Variants in NPTXR observed in about 807,000 individuals in gnomAD.
NPTXR encodes the protein neuronal pentraxin receptor.
In NPTXR, 12 loss-of-function variants were observed where a neutral mutation model predicts 32.2. The ratio of observed to expected loss-of-function variants is 0.37; its 90% CI spans 0.24 to 0.60. NPTXR has a LOEUF of 0.60. Ranked by LOEUF, NPTXR falls within the 20% of genes least tolerant of loss-of-function variation. The pLI, the probability that NPTXR is intolerant of heterozygous loss-of-function variation, is 0.66. For synonymous variants in NPTXR, 323 were observed against 315.8 expected, an observed-to-expected ratio of 1.02 and a Z score of -0.24; for missense variants, 612 against 682.9, an observed-to-expected ratio of 0.90 and a Z score of 1.16.
At chr22:38,824,315 A>G (rs1036920940) in intron 3 of NPTXR, among the ~76,000 whole-genome samples, 3 of 151,970 alleles carry the variant, frequency 2.0e-5, no homozygotes, top group Middle Eastern at 3.2e-3. Context: ...TTAATGTAAC[A>G]TTCTCTGAGG....
chr22:38,841,826 C>G (rs1489043428), intron 1 of NPTXR, among the ~76,000 whole-genome samples: 1 of 152,194 alleles, frequency 6.6e-6, no homozygotes, highest in East Asian at 1.9e-4. Context: ...TCATTGCATA[C>G]TTTCACCTTT....
intron 1 of NPTXR, among the ~76,000 whole-genome samples, chr22:38,833,627 G>A (rs574993589): frequency 9.2e-5 from 14 of 151,954 alleles, no homozygotes; most frequent in African/African-American, 2.9e-4. Flanking sequence ...CATCACAGGC[G>A]TGTCTACTAT....
intron 1 of NPTXR, among the ~76,000 whole-genome samples, chr22:38,837,845 T>TTTTTATTTTATTTTATTTTATTTTA (rs10530407): frequency 0.11 from 15,168 of 139,912 alleles, 1,603 homozygotes; most frequent in East Asian, 0.48. Context: ...TTATTTTTAT[T>TTTTTATTTTATTTTATTTTATTTTA]TTTTATTTTA....
At chr22:38,823,784 G>A (rs1335180646) in intron 3 of NPTXR, among the ~76,000 whole-genome samples, 1 of 152,186 alleles carries the variant, frequency 6.6e-6, no homozygotes, top group Non-Finnish European at 1.5e-5. Context: ...AAGTCTGCAA[G>A]GGATGGCAAA....
Position 38,826,554 on chromosome 22 carries a change from C to T in NPTXR, c.1044G>A (p.Glu348=). 1.9e-6 allele frequency: 3 copies of T among 1,614,166 alleles called. No homozygotes were observed. The highest frequency in any genetic ancestry group is 2.5e-6 in the Non-Finnish European group (3 of 1,180,012). The change falls in exon 3 of 5, where the codon GAG becomes GAA. Residue 348 remains glutamate (E), a synonymous_variant. Transcript: ENST00000333039. ...CATGGCCCGCCTCTAGCAGTACAAT[C>T]TCGTTGGCCTGCCCGGGCACTGAGT...
chr22:38,843,413 T>A lies in NPTXR; in HGVS notation c.446A>T (p.Asp149Val). The change falls in exon 1 of 5, where the codon GAC becomes GTC. Residue 149 changes from aspartate (D) to valine (V), a missense_variant. Transcript: ENST00000333039. The surrounding 1 kb of genome is among the most constrained non-coding windows in gnomAD (Gnocchi z 5.3). ...CTTGCCGGTGAGCTCACGGATGGTG[T>A]CCTGGTCGGCGCGGATGCGCGCCTC... is the stretch of plus-strand genomic sequence containing the variant. 2 of 1,405,242 alleles carry A rather than the reference T, an allele frequency of 1.4e-6. No homozygotes were observed. Among genetic ancestry groups the A allele is most frequent in the Non-Finnish European group, 1.8e-6 (2 of 1,087,538 alleles). 87.0% of individuals were successfully genotyped at this position (1,405,242 alleles called of 1,614,324 possible). A position where few individuals can be genotyped will look rare whatever the true frequency, so the allele number is the denominator to read the frequency against.
intron 3 of NPTXR, among the ~76,000 whole-genome samples, chr22:38,825,748 C>G (rs929398460): frequency 6.6e-6 from 1 of 152,016 alleles, no homozygotes; most frequent in African/African-American, 2.4e-5. Flanking sequence ...GAGGGGCTGG[C>G]TCCAGGGAAG....
chr22:38,822,648 C>T lies in NPTXR; in HGVS notation c.1464G>A (p.Lys488=), dbSNP rs761147630. The T allele has an allele frequency of 8.1e-6, 13 of 1,613,832 alleles. No homozygotes were observed. The highest frequency in any genetic ancestry group is 1.1e-5 in the Non-Finnish European group (13 of 1,179,956). The change falls in exon 5 of 5, where the codon AAG becomes AAA. Residue 488 remains lysine, a synonymous_variant. Transcript: ENST00000333039. ...TCCCCTTGCAGACATCGAAGGCAGC[C>T]TTTGTTGCACCCCCAAAGGCCTCCA...
rs796530133 is a variant in NPTXR, at chr22:38,834,640, G to C, written c.625-6128C>G. 1.4e-4 allele frequency among the ~76,000 whole-genome samples: 16 copies of C among 115,852 alleles called. No individual in the cohort carries two copies. The highest frequency in any genetic ancestry group is 4.7e-4 in the African/African-American group (15 of 32,162). The allele number at this position is 115,852 out of a possible 152,430, so 76.0% of individuals were successfully genotyped here. A position where few individuals can be genotyped will look rare whatever the true frequency, so the allele number is the denominator to read the frequency against. On this transcript the variant is annotated intron_variant, in intron 1 of 4. Coordinates refer to ENST00000333039, the MANE Select transcript of NPTXR (RefSeq NM_014293.4). This position sits in a 1 kb window ranked among gnomAD's most constrained non-coding sequence, Gnocchi z 4.4. ...TCCATCCATCCATCCATCCATCCAT[G>C]TGTGCCGCAGCAACATGGCGTCGTA...
At chr22:38,825,942 T>C (rs2093105838) in intron 3 of NPTXR, among the ~76,000 whole-genome samples, 1 of 151,512 alleles carries the variant, frequency 6.6e-6, no homozygotes, top group Non-Finnish European at 1.5e-5. Flanking sequence ...TCTCGGGTTC[T>C]GGCCATTCTC....
intron 1 of NPTXR, among the ~76,000 whole-genome samples, chr22:38,831,213 C>T (rs2093115704): frequency 6.6e-6 from 1 of 152,146 alleles, no homozygotes; most frequent in African/African-American, 2.4e-5. Context: ...TCGAGACCAG[C>T]CTGGGCAACA....
At chr22:38,823,769 A>G (rs895412489) in intron 3 of NPTXR, among the ~76,000 whole-genome samples, 2 of 152,180 alleles carry the variant, frequency 1.3e-5, no homozygotes, top group African/African-American at 2.4e-5. Flanking sequence ...CAGACAAGGG[A>G]TGACAAGTCT....
rs769401848 is a variant in NPTXR at position 38,826,607 on chromosome 22, C to T, written c.991G>A (p.Gly331Ser). 1.2e-5 allele frequency: 19 copies of T among 1,614,146 alleles called. No individual in the cohort carries two copies. Among genetic ancestry groups the T allele is most frequent in the African/African-American group, 6.7e-5 (5 of 74,962 alleles). Reference sequence around the variant, plus strand: ...GAGAAGGGGGTGCCCTGGCCGGTGCCGCTGGACCTGGACCGCAGCCACATG... The same window carrying T: ...GAGAAGGGGGTGCCCTGGCCGGTGCTGCTGGACCTGGACCGCAGCCACATG... Residue 331 changes from glycine (G) to serine (S), a missense_variant, in exon 3 of 5, where the codon GGC becomes AGC. By Grantham distance (56) the Gly-to-Ser change is moderately conservative. Transcript: ENST00000333039.
intron 1 of NPTXR, 44 bp from the exon 2 acceptor site, chr22:38,828,556 G>A: frequency 6.8e-7 from 1 of 1,474,540 alleles, no homozygotes; most frequent in African/African-American, 1.4e-5. Flanking sequence ...AGGGGAGGAA[G>A]GACAGGCTGG....
In NPTXR at chr22:38,843,405, G is replaced by C; in HGVS notation, c.454C>G (p.Arg152Gly). Residue 152 changes from arginine (R) to glycine (G), a missense_variant, in exon 1 of 5, where the codon CGT becomes GGT. By Grantham distance (125) the Arg-to-Gly change is moderately radical. Transcript: ENST00000333039. This position sits in a 1 kb window ranked among gnomAD's most constrained non-coding sequence, Gnocchi z 5.3. ...CGGCCCAGCTTGCCGGTGAGCTCAC[G>C]GATGGTGTCCTGGTCGGCGCGGATG... 7.1e-7 allele frequency: 1 copy of C among 1,418,024 alleles called. No individual in the cohort carries two copies. The highest frequency in any genetic ancestry group is 9.1e-7 in the Non-Finnish European group (1 of 1,094,724). 87.8% of individuals were successfully genotyped at this position (1,418,024 alleles called of 1,614,324 possible).
chr22:38,839,084 T>C (rs542523303), intron 1 of NPTXR, among the ~76,000 whole-genome samples: 6 of 152,334 alleles, frequency 3.9e-5, no homozygotes, highest in African/African-American at 1.4e-4. Flanking sequence ...GATAATGCAC[T>C]GTGCCTGCCG....
In NPTXR at chr22:38,843,598, G is replaced by C. The variant is rs768358018; in HGVS notation, c.261C>G (p.Pro87=). The C allele has an allele frequency of 6.4e-4, 754 of 1,184,964 alleles. 4 individuals carry two copies. The African/African-American group carries it at 0.011, about 18-fold the overall frequency. 73.4% of individuals were successfully genotyped at this position (1,184,964 alleles called of 1,614,324 possible). A position where few individuals can be genotyped will look rare whatever the true frequency, so the allele number is the denominator to read the frequency against. ...ACAGGAAGCGGCTGAACAGGGGCCC[G>C]GGCGGCAGCGGGTGCGCGCTGGCCG... Residue 87 remains proline, a synonymous_variant, in exon 1 of 5, where the codon CCC becomes CCG. Transcript: ENST00000333039. The surrounding 1 kb of genome is among the most constrained non-coding windows in gnomAD (Gnocchi z 5.3).
At chr22:38,828,670 G>A (rs2093111457) in intron 1 of NPTXR, among the ~76,000 whole-genome samples, 158 bp from the exon 2 acceptor site, 1 of 152,260 alleles carries the variant, frequency 6.6e-6, no homozygotes, top group Non-Finnish European at 1.5e-5. Flanking sequence ...GGCAACAGAT[G>A]CATCCTGGGT....
At position 38,823,259 on chromosome 22, in the gene NPTXR, C is replaced by A; in HGVS notation, c.1102G>T (p.Ala368Ser). 6.2e-7 allele frequency: 1 copy of A among 1,610,590 alleles called. No homozygotes were observed. Among genetic ancestry groups the A allele is most frequent in the Middle Eastern group, 1.7e-4 (1 of 6,032 alleles). Reference sequence around the variant, plus strand: ...TCCTTCAGGCTCAGGGGCAGCTGGGCCACCTGGACACAGGTCCCCCAACCC... The same window carrying A: ...TCCTTCAGGCTCAGGGGCAGCTGGGACACCTGGACACAGGTCCCCCAACCC... The change falls in exon 4 of 5, where the codon GCC (alanine) becomes TCC (serine). Residue 368 changes from alanine (A) to serine (S), a missense_variant. Coordinates refer to ENST00000333039, the MANE Select transcript of NPTXR (RefSeq NM_014293.4).
Sources: gnomAD v4.1 joint callset for allele counts (sites outside exome capture counted in the v4.1 genomes callset) on GRCh38, gnomAD v4.1.1 for gene constraint, Gnocchi (gnomAD v3.1) non-coding constraint, MANE v1.5 for transcripts, NCBI Gene and HGNC (gene_info 2026-07-23, HGNC 2026-07-21) for gene names.